The following TMEM182 variants were observed in gnomAD, a reference collection of about 807,000 sequenced individuals.
TMEM182 encodes the protein transmembrane protein 182.
A neutral mutation model predicts 26.8 loss-of-function variants in TMEM182; 20 were observed. The ratio of observed to expected loss-of-function variants is 0.75; its 90% CI spans 0.53 to 1.09. The LOEUF is 1.09. TMEM182 is among the 50% of genes least tolerant of loss of function. The pLI, the probability that TMEM182 is intolerant of heterozygous loss-of-function variation, is 0.00. For synonymous variants in TMEM182, 109 were observed against 102.2 expected, an observed-to-expected ratio of 1.07 and a Z score of -0.40; for missense variants, 277 against 275.5, an observed-to-expected ratio of 1.01 and a Z score of -0.04.
At chr2:102,818,127 A>G (rs1162365798), downstream of TMEM182, among the ~76,000 whole-genome samples, 3 of 152,228 alleles carry the variant, frequency 2.0e-5, no homozygotes, top group Admixed American at 2.0e-4. Context: ...AAAATATAAG[A>G]TGAGCTAAAT....
chr2:102,739,814 A>C (rs554113513), intron 1 of TMEM182, among the ~76,000 whole-genome samples: 1 of 152,314 alleles, frequency 6.6e-6, no homozygotes, highest in South Asian at 2.1e-4. Context: ...GGACTAATAC[A>C]ACCTCCATGA....
In TMEM182 at chr2:102,823,983, CT is replaced by C. The variant is rs1682979236; in HGVS notation, c.326-19426del. ...TATCCATTTTTGAGCCAGAAAAATG[CT>C]TTAAGATAAAAGGAAAGTGCAGCTT... On this transcript the variant is annotated intron_variant, in intron 3 of 3. Transcript: ENST00000486293. 4.6e-5 allele frequency among the ~76,000 whole-genome samples: 7 copies of C among 152,216 alleles called. No homozygotes were observed. The South Asian group carries it at 1.5e-3, about 32-fold the overall frequency.
intron 3 of TMEM182, among the ~76,000 whole-genome samples, chr2:102,787,880 A>G (rs1681463439): frequency 1.3e-5 from 2 of 152,102 alleles, no homozygotes; most frequent in Non-Finnish European, 2.9e-5. Flanking sequence ...AAAATACAAC[A>G]TAGAGATTGC....
At chr2:102,762,735 G>T (rs377087257) in intron 2 of TMEM182, 49 bp downstream of exon 2, 252 of 1,509,646 alleles carry the variant, frequency 1.7e-4, no homozygotes, top group Non-Finnish European at 2.2e-4. Flanking sequence ...AAATAAAAAT[G>T]AACAGTTTCT....
upstream of TMEM182, among the ~76,000 whole-genome samples, chr2:102,760,608 T>G (rs780534379): frequency 1.5e-4 from 23 of 152,162 alleles, no homozygotes; most frequent in South Asian, 1.4e-3. Flanking sequence ...TCATGTTTTT[T>G]TTTGTTTGTT....
chr2:102,748,458 G>A (rs1679780526), intron 1 of TMEM182, among the ~76,000 whole-genome samples: 1 of 152,228 alleles, frequency 6.6e-6, no homozygotes, highest in Non-Finnish European at 1.5e-5. Flanking sequence ...GGGTTAGAAT[G>A]AGAAAAGGCA....
In TMEM182 at chr2:102,755,774, A is replaced by G. The variant is rs1558754060; in HGVS notation, c.-82-2615A>G. On this transcript the variant is annotated intron_variant, in intron 1 of 5. Coordinates refer to the TMEM182 transcript ENST00000409173. Reference sequence around the variant, plus strand: ...CGTTAAGAATAAGGGGGCAAATTGTATATGGGCTTTTCTTCATTTGCTCAT... The same window carrying G: ...CGTTAAGAATAAGGGGGCAAATTGTGTATGGGCTTTTCTTCATTTGCTCAT... 7.9e-5 allele frequency among the ~76,000 whole-genome samples: 12 copies of G among 152,298 alleles called. No homozygotes were observed. In the South Asian group the frequency reaches 2.3e-3, roughly 29 times the overall value.
chr2:102,802,160 G>A (rs1387131231), intron 4 of TMEM182, among the ~76,000 whole-genome samples: 1 of 152,192 alleles, frequency 6.6e-6, no homozygotes, highest in East Asian at 1.9e-4. Flanking sequence ...ATGGTGTTAG[G>A]GAAGGGCAGA....
intron 3 of TMEM182, among the ~76,000 whole-genome samples, chr2:102,836,190 A>G (rs905960486): frequency 2.5e-4 from 38 of 152,350 alleles, no homozygotes; most frequent in Middle Eastern, 3.4e-3. Flanking sequence ...TACAGCTGCA[A>G]TAGACATCCA....
At chr2:102,805,452 C>T (rs1682309990) in intron 4 of TMEM182, among the ~76,000 whole-genome samples, 1 of 152,122 alleles carries the variant, frequency 6.6e-6, no homozygotes, top group South Asian at 2.1e-4. Context: ...ACCTTGTTGT[C>T]CACCCAACCT....
Position 102,815,065 on chromosome 2 carries a change from T to C in TMEM182, c.*97T>C. 1 of 1,483,450 alleles carries C rather than the reference T, an allele frequency of 6.7e-7. No homozygotes were observed. The highest frequency in any genetic ancestry group is 2.4e-5 in the East Asian group (1 of 41,632). 91.9% of individuals were successfully genotyped at this position (1,483,450 alleles called of 1,614,324 possible). A position where few individuals can be genotyped will look rare whatever the true frequency, so the allele number is the denominator to read the frequency against. On this transcript the variant is annotated 3_prime_UTR_variant, in exon 5 of 5. Transcript: ENST00000412401. ...TTGATCCCAGCATAAAGTTAGTAGA[T>C]ATAACTTTTTAGTTGCTATTCAAAT...
At position 102,766,767 on chromosome 2, in the gene TMEM182, G is replaced by C. The variant is rs549069353; in HGVS notation, c.331+2340G>C. ...CTTGCCAGGTCACCTTTGGTAAATT[G>C]AAAGTATCATTTATAAATTCTGATG... On this transcript the variant is annotated intron_variant, in intron 3 of 4. Transcript: ENST00000412401. Among the ~76,000 whole-genome samples the C allele has an allele frequency of 1.6e-3, 245 of 152,264 alleles. 1 individual carries two copies. Among genetic ancestry groups the C allele is most frequent in the African/African-American group, 5.2e-3 (217 of 41,566 alleles).
intron 3 of TMEM182, among the ~76,000 whole-genome samples, chr2:102,795,403 T>A (rs956192783): frequency 6.6e-6 from 1 of 152,248 alleles, no homozygotes; most frequent in Non-Finnish European, 1.5e-5. Flanking sequence ...AATTCACTGT[T>A]AAAATTCTCT....
chr2:102,829,072 G>T (rs948799992), intron 3 of TMEM182, among the ~76,000 whole-genome samples: 4 of 152,208 alleles, frequency 2.6e-5, no homozygotes, highest in Admixed American at 2.6e-4. Context: ...CCATCTTTCT[G>T]TTTTAATGCA....
chr2:102,810,358 C>T (rs1682509354), intron 4 of TMEM182, among the ~76,000 whole-genome samples: 1 of 151,972 alleles, frequency 6.6e-6, no homozygotes, highest in Non-Finnish European at 1.5e-5. Context: ...AATTTTATGT[C>T]TCAGTTTTTG....
intron 1 of TMEM182, among the ~76,000 whole-genome samples, chr2:102,748,447 C>T (rs1030030888): frequency 6.6e-6 from 1 of 152,124 alleles, no homozygotes; most frequent in Non-Finnish European, 1.5e-5. Context: ...TAGACATACT[C>T]GGGTTAGAAT....
chr2:102,818,976 C>T (rs916910746), downstream of TMEM182, among the ~76,000 whole-genome samples: 15 of 152,078 alleles, frequency 9.9e-5, no homozygotes, highest in Admixed American at 4.6e-4. Context: ...GCATCCTGCA[C>T]GGATTCTGAA....
downstream of TMEM182, among the ~76,000 whole-genome samples, chr2:102,820,011 A>G (rs1255759924): frequency 6.6e-6 from 1 of 152,224 alleles, no homozygotes; most frequent in Non-Finnish European, 1.5e-5. Context: ...GCTGTCAATA[A>G]GTATTTATTT....
At chr2:102,791,369 T>A (rs1681628410) in intron 3 of TMEM182, among the ~76,000 whole-genome samples, 1 of 152,248 alleles carries the variant, frequency 6.6e-6, no homozygotes, top group Non-Finnish European at 1.5e-5. Context: ...TTCAGTACAC[T>A]TTTAGCTGAT....
Sources: allele counts gnomAD v4.1 joint callset (sites outside exome capture counted in the v4.1 genomes callset), GRCh38; gene constraint gnomAD v4.1.1; transcripts MANE v1.5; gene names NCBI Gene and HGNC (gene_info 2026-07-23, HGNC 2026-07-21).